Variants in C14orf39 observed in about 807,000 individuals in gnomAD.
C14orf39 encodes the protein protein SIX6OS1.
C14orf39 carries 66 observed loss-of-function variants against 85.6 expected under a neutral mutation model. That is an observed-to-expected ratio of 0.77 (90% CI 0.63 to 0.95). The LOEUF (loss-of-function observed/expected upper bound fraction) is 0.95, where lower values mean the gene tolerates loss of function less well. Ranked by LOEUF, C14orf39 falls within the 40% of genes least tolerant of loss-of-function variation. The pLI is 0.00. For synonymous variants in C14orf39, 242 were observed against 214.0 expected, an observed-to-expected ratio of 1.13 and a Z score of -1.14; for missense variants, 735 against 663.9, an observed-to-expected ratio of 1.11 and a Z score of -1.18.
At chr14:60,486,299 G>A (rs576864087), upstream of C14orf39, among the ~76,000 whole-genome samples, 1 of 152,320 alleles carries the variant, frequency 6.6e-6, no homozygotes, top group African/African-American at 2.4e-5. Context: ...AGACTCTCCT[G>A]TTTTCTTGAA....
chr14:60,458,537 A>T, intron 14 of C14orf39, 141 bp downstream of exon 14: 1 of 485,880 alleles, frequency 2.1e-6, no homozygotes, highest in Admixed American at 4.2e-5. Context: ...TGAAAAATAG[A>T]ATCTGTAACT....
intron 1 of C14orf39, among the ~76,000 whole-genome samples, chr14:60,514,243 A>T (rs1893331340): frequency 6.6e-6 from 1 of 152,164 alleles, no homozygotes; most frequent in Admixed American, 6.5e-5. Context: ...GGGGGAAAAA[A>T]AGTCCAGGTA....
upstream of C14orf39, among the ~76,000 whole-genome samples, chr14:60,489,532 A>G (rs1028439618): frequency 7.0e-4 from 107 of 152,358 alleles, 2 homozygotes; most frequent in African/African-American, 2.5e-3. Flanking sequence ...GCTATCAAAC[A>G]TATGATCCTA....
In C14orf39 at chr14:60,468,425, A is replaced by G; in HGVS notation, c.767+20T>C. On this transcript the variant is annotated intron_variant, in intron 9 of 17. Coordinates refer to ENST00000321731, the MANE Select transcript of C14orf39 (RefSeq NM_174978.3). ...AAAATATCTGTTCACATAAAATTTA[A>G]TTTTAAAGGTTACCTATACCTTTCT... 1 of 1,443,340 alleles carries G rather than the reference A, an allele frequency of 6.9e-7. No individual in the cohort carries two copies. Among genetic ancestry groups the G allele is most frequent in the Non-Finnish European group, 9.5e-7 (1 of 1,056,126 alleles). 89.4% of individuals were successfully genotyped at this position (1,443,340 alleles called of 1,614,324 possible).
In C14orf39 at chr14:60,468,556, CACAAA is replaced by C; in HGVS notation, c.676-25_676-21del. 7.1e-7 allele frequency: 1 copy of C among 1,416,080 alleles called. No homozygotes were observed. Among genetic ancestry groups the C allele is most frequent in the Non-Finnish European group, 9.7e-7 (1 of 1,035,372 alleles). 87.7% of individuals were successfully genotyped at this position (1,416,080 alleles called of 1,614,324 possible). ...TATCTGCTAAAAAGACAATTGGGAA[CACAAA>C]ACAAAATAATTACTTGCAAAGCAGT... On this transcript the variant is annotated intron_variant, in intron 8 of 17. Transcript: ENST00000321731.
rs116643323 is a variant in C14orf39, at chr14:60,457,853, T to C, written c.1180-758A>G. On this transcript the variant is annotated intron_variant, in intron 14 of 17. Transcript: ENST00000321731. ...TTCAAGATACTTTTATGGCAACCAC[T>C]GCTCTTGAATTGTCGTGGCGAATCA... Among the ~76,000 whole-genome samples the C allele has an allele frequency of 3.6e-3, 553 of 152,126 alleles. 6 individuals are homozygous for C. Among genetic ancestry groups the C allele is most frequent in the African/African-American group, 0.012 (511 of 41,570 alleles).
intron 1 of C14orf39, among the ~76,000 whole-genome samples, chr14:60,500,725 A>C (rs1893132570): frequency 6.6e-6 from 1 of 152,220 alleles, no homozygotes; most frequent in African/African-American, 2.4e-5. Flanking sequence ...TGCATAGAGA[A>C]AAACGTCCAT....
At chr14:60,487,405 A>G (rs907021564), upstream of C14orf39, among the ~76,000 whole-genome samples, 2 of 152,100 alleles carry the variant, frequency 1.3e-5, no homozygotes, top group Non-Finnish European at 2.9e-5. Context: ...GACTTACTTC[A>G]ATTAGCATAA....
intron 4 of C14orf39, among the ~76,000 whole-genome samples, chr14:60,478,622 G>C (rs1478130552): frequency 6.6e-6 from 1 of 151,972 alleles, no homozygotes; most frequent in Non-Finnish European, 1.5e-5. Context: ...ACTTGTTTTT[G>C]AACCATTACT....
At chr14:60,480,610 T>C (rs1892594483) in intron 4 of C14orf39, among the ~76,000 whole-genome samples, 2 of 152,246 alleles carry the variant, frequency 1.3e-5, no homozygotes, top group South Asian at 4.1e-4. Context: ...TGAGTATTCG[T>C]CCAAAGGAAA....
At chr14:60,507,878 C>T (rs2140186353) in intron 1 of C14orf39, among the ~76,000 whole-genome samples, 1 of 152,266 alleles carries the variant, frequency 6.6e-6, no homozygotes, top group South Asian at 2.1e-4. Context: ...GTTATACAGC[C>T]CCCTACCAGT....
intron 16 of C14orf39, among the ~76,000 whole-genome samples, chr14:60,454,009 T>C (rs1891151456): frequency 6.6e-6 from 1 of 151,936 alleles, no homozygotes; most frequent in Non-Finnish European, 1.5e-5. Flanking sequence ...TTTGCATTCA[T>C]GTTATTATTG....
intron 1 of C14orf39, chr14:60,509,803 C>T: frequency 1.2e-6 from 2 of 1,613,842 alleles, no homozygotes; most frequent in Non-Finnish European, 1.7e-6. Flanking sequence ...CACACTGCTT[C>T]AAGGAGCGCA....
At chr14:60,510,049 T>A in intron 1 of C14orf39, 1 of 1,285,232 alleles carries the variant, frequency 7.8e-7, no homozygotes, top group South Asian at 1.3e-5. Context: ...CCTTACCCAG[T>A]CCCTGGCGAC....
At chr14:60,454,858 T>C (rs558830996) in intron 16 of C14orf39, 143 bp downstream of exon 16, 111 of 549,474 alleles carry the variant, frequency 2.0e-4, no homozygotes, top group Non-Finnish European at 3.0e-4. Flanking sequence ...ATAGGGAACT[T>C]TGTCATACCA....
chr14:60,474,072 T>C (rs1892244486), intron 5 of C14orf39, among the ~76,000 whole-genome samples: 1 of 152,220 alleles, frequency 6.6e-6, no homozygotes, highest in Non-Finnish European at 1.5e-5. Flanking sequence ...TGTCCTCTTT[T>C]ATTTCATTGA....
chr14:60,445,710 G>A (rs1181727485), intron 16 of C14orf39, among the ~76,000 whole-genome samples: 4 of 152,012 alleles, frequency 2.6e-5, no homozygotes, highest in Non-Finnish European at 4.4e-5. Flanking sequence ...CACCAAATGG[G>A]CCTAATAGAC....
chr14:60,459,212 G>A (rs1158552898), intron 13 of C14orf39, among the ~76,000 whole-genome samples: 1 of 151,630 alleles, frequency 6.6e-6, no homozygotes, highest in Non-Finnish European at 1.5e-5. Flanking sequence ...ATTGCACAAA[G>A]ACACAGTTCT....
At chr14:60,438,119 AT>A (rs1265933839) in intron 17 of C14orf39, among the ~76,000 whole-genome samples, 1 of 151,984 alleles carries the variant, frequency 6.6e-6, no homozygotes, top group Non-Finnish European at 1.5e-5. Flanking sequence ...AATAATTTGC[AT>A]CACTTTGAAT....
Sources: gnomAD v4.1 joint callset for allele counts (sites outside exome capture counted in the v4.1 genomes callset) on GRCh38, gnomAD v4.1.1 for gene constraint, MANE v1.5 for transcripts, NCBI Gene and HGNC (gene_info 2026-07-23, HGNC 2026-07-21) for gene names.